GRM5: variants seen among roughly 807,000 people sequenced by gnomAD.
GRM5 encodes the protein glutamate metabotropic receptor 5.
In GRM5, 19 loss-of-function variants were observed where a neutral mutation model predicts 83.1. The ratio of observed to expected loss-of-function variants is 0.23; its 90% CI spans 0.16 to 0.34. The LOEUF is 0.34. Ranked by LOEUF, GRM5 falls within the 10% of genes least tolerant of loss-of-function variation. GRM5 has a pLI of 1.00. For missense variants in GRM5, 1,160 were observed against 1,588.3 expected (o/e 0.73, Z 4.58); for synonymous variants, 675 against 633.6 (o/e 1.07, Z -0.98).
At chr11:88,870,282 A>G (rs1294204589) in intron 2 of GRM5, among the ~76,000 whole-genome samples, 1 of 151,574 alleles carries the variant, frequency 6.6e-6, no homozygotes, top group East Asian at 1.9e-4. Context: ...CTAGTAATAC[A>G]CTAGGCAATG....
chr11:89,028,351 G>A (rs533507510), intron 2 of GRM5, among the ~76,000 whole-genome samples: 3 of 152,268 alleles, frequency 2.0e-5, no homozygotes, highest in African/African-American at 7.2e-5. Context: ...GGGAGGCCAA[G>A]GTAGGAGGAT....
chr11:88,653,379 A>G lies in GRM5; in HGVS notation c.936T>C (p.Asp312=). ...CTTCTCGCTGATATCCATCTGTCAC[A>G]TCATACCTGTCAGCCCAGCCATCAC... The part of the protein sequence containing the change: ...LGSDGWADRY[D]VTDGYQREAV... The change falls in exon 4 of 10, where the codon GAT becomes GAC. Residue 312 remains aspartate, a synonymous_variant. Transcript: ENST00000305447. 1 of 1,612,384 alleles carries G rather than the reference A, an allele frequency of 6.2e-7. No individual in the cohort carries two copies. Among genetic ancestry groups the G allele is most frequent in the South Asian group, 1.1e-5 (1 of 91,042 alleles).
At chr11:88,741,817 T>G (rs1942035988) in intron 3 of GRM5, among the ~76,000 whole-genome samples, 1 of 151,798 alleles carries the variant, frequency 6.6e-6, no homozygotes, top group Non-Finnish European at 1.5e-5. Context: ...TGTGTGTGGG[T>G]GGGAGGGTTA....
intron 2 of GRM5, among the ~76,000 whole-genome samples, chr11:88,983,982 T>C (rs747166108): frequency 1.3e-5 from 2 of 152,138 alleles, no homozygotes; most frequent in African/African-American, 4.8e-5. Context: ...AGAAAAGGAA[T>C]ATAAAGAAAA....
chr11:88,842,188 C>A (rs1208408041), intron 3 of GRM5, among the ~76,000 whole-genome samples: 3 of 152,070 alleles, frequency 2.0e-5, no homozygotes, highest in Non-Finnish European at 4.4e-5. Context: ...TCATTTATCA[C>A]ACATATTTTC....
At chr11:88,918,904 C>A (rs1171696929) in intron 2 of GRM5, among the ~76,000 whole-genome samples, 2 of 150,884 alleles carry the variant, frequency 1.3e-5, no homozygotes, top group African/African-American at 2.4e-5. Flanking sequence ...CACACACACA[C>A]AAAATAAAAA....
At chr11:88,903,695 A>T (rs1945355555) in intron 2 of GRM5, among the ~76,000 whole-genome samples, 1 of 152,130 alleles carries the variant, frequency 6.6e-6, no homozygotes, top group South Asian at 2.1e-4. Context: ...CTAAAATAAC[A>T]TGTTTGCATG....
intron 7 of GRM5, among the ~76,000 whole-genome samples, chr11:88,573,790 G>A (rs1313519682): frequency 6.6e-6 from 1 of 152,106 alleles, no homozygotes; most frequent in Non-Finnish European, 1.5e-5. Flanking sequence ...TAACTAATAA[G>A]CCATCTTTCT....
chr11:88,927,590 T>A (rs2135640731), intron 2 of GRM5, among the ~76,000 whole-genome samples: 1 of 152,230 alleles, frequency 6.6e-6, no homozygotes, highest in East Asian at 1.9e-4. Context: ...CTAAACTTTG[T>A]CTCTTGGCAA....
intron 3 of GRM5, among the ~76,000 whole-genome samples, chr11:88,750,325 A>G (rs1942241517): frequency 6.6e-6 from 1 of 152,184 alleles, no homozygotes; most frequent in African/African-American, 2.4e-5. Flanking sequence ...ACCAACAAAG[A>G]TCAAAAATGA....
intron 2 of GRM5, among the ~76,000 whole-genome samples, chr11:88,940,073 T>C (rs1027554977): frequency 2.0e-5 from 3 of 151,970 alleles, no homozygotes; most frequent in African/African-American, 7.2e-5. Context: ...CTCTCACACC[T>C]TAGTGGCCTA....
intron 2 of GRM5, among the ~76,000 whole-genome samples, chr11:88,979,468 T>A (rs903997577): frequency 1.3e-5 from 2 of 152,186 alleles, no homozygotes; most frequent in Admixed American, 1.3e-4. Flanking sequence ...TCCAAGTCAT[T>A]ACGTTACAGG....
At chr11:88,635,013 G>T (rs1939079646) in intron 4 of GRM5, among the ~76,000 whole-genome samples, 1 of 152,094 alleles carries the variant, frequency 6.6e-6, no homozygotes, top group South Asian at 2.1e-4. Flanking sequence ...ACTGAATTTT[G>T]GTGGGGAGGA....
At chr11:88,688,326 A>T (rs1940697222) in intron 3 of GRM5, among the ~76,000 whole-genome samples, 1 of 152,198 alleles carries the variant, frequency 6.6e-6, no homozygotes, top group Non-Finnish European at 1.5e-5. Flanking sequence ...ACTTAATATT[A>T]AATCATTTTA....
intron 2 of GRM5, among the ~76,000 whole-genome samples, chr11:88,959,339 G>C (rs533876680): frequency 6.6e-6 from 1 of 151,938 alleles, no homozygotes. Flanking sequence ...CTCCATCAGA[G>C]ACAGATATGT....
At chr11:88,775,263 A>G (rs11021290) in intron 3 of GRM5, among the ~76,000 whole-genome samples, 79,991 of 151,514 alleles carry the variant, frequency 0.53, 23,768 homozygotes, top group Non-Finnish European at 0.7. Flanking sequence ...GGTAGTTTGT[A>G]TTTCTGTGGG....
At chr11:88,560,175 G>T (rs1326529313) in intron 8 of GRM5, among the ~76,000 whole-genome samples, 2 of 152,168 alleles carry the variant, frequency 1.3e-5, no homozygotes, top group Non-Finnish European at 2.9e-5. Flanking sequence ...TTATGCAAAA[G>T]AACTTTATGG....
At chr11:88,955,888 T>C (rs1349520444) in intron 2 of GRM5, among the ~76,000 whole-genome samples, 1 of 152,254 alleles carries the variant, frequency 6.6e-6, no homozygotes, top group Non-Finnish European at 1.5e-5. Flanking sequence ...AGCCTTGTTA[T>C]TAGTTAGTAG....
intron 4 of GRM5, among the ~76,000 whole-genome samples, chr11:88,632,214 A>C (rs893248437): frequency 1.3e-5 from 2 of 150,938 alleles, no homozygotes; most frequent in African/African-American, 4.9e-5. Context: ...GCATTTTCTA[A>C]AGTTTCATAG....
Sources: allele counts gnomAD v4.1 joint callset (sites outside exome capture counted in the v4.1 genomes callset), GRCh38; gene constraint gnomAD v4.1.1; transcripts MANE v1.5; gene names NCBI Gene and HGNC (gene_info 2026-07-23, HGNC 2026-07-21).